Variants in ABR observed in about 807,000 individuals in gnomAD.
ABR encodes active breakpoint cluster region-related protein.
In ABR, 35 loss-of-function variants were observed where a neutral mutation model predicts 107.2. The ratio of observed to expected loss-of-function variants is 0.33; its 90% CI spans 0.25 to 0.43. The LOEUF is 0.43. Ranked by LOEUF, ABR falls within the 20% of genes least tolerant of loss-of-function variation. The probability of loss-of-function intolerance (pLI) is 1.00; values close to 1 mark genes in which losing one functional copy is unlikely to be tolerated. For missense variants in ABR, 815 were observed against 1,115.2 expected (o/e 0.73, Z 3.83); for synonymous variants, 498 against 462.0 (o/e 1.08, Z -1.00).
chr17:1,213,774 C>T (rs2042948530), intron 1 of ABR, among the ~76,000 whole-genome samples: 1 of 152,178 alleles, frequency 6.6e-6, no homozygotes, highest in Non-Finnish European at 1.5e-5. Flanking sequence ...ACTGTCTTAA[C>T]CCCACAGTGA....
chr17:1,084,245 C>T lies in ABR; in HGVS notation c.532-618G>A, dbSNP rs1040823074. ...TACAAAAATTAGCTGGGCATGGTGG[C>T]GCGTGCCTGTAATCCCAGGTACTCA... is the stretch of plus-strand genomic sequence containing the variant. On this transcript the variant is annotated intron_variant, in intron 4 of 22. Transcript: ENST00000302538. This position sits in a 1 kb window ranked among gnomAD's most constrained non-coding sequence, Gnocchi z 4.2. Among the ~76,000 whole-genome samples, 18 of 152,310 alleles carry T rather than the reference C, an allele frequency of 1.2e-4. No homozygotes were observed. Among genetic ancestry groups the T allele is most frequent in the East Asian group, 3.9e-4 (2 of 5,184 alleles).
chr17:1,091,319 AGCACCCTCCGGGAGGGAGAAG>A (rs2037011486), intron 4 of ABR, among the ~76,000 whole-genome samples: 1 of 114,176 alleles, frequency 8.8e-6, no homozygotes, highest in South Asian at 2.9e-4. Flanking sequence ...GGAAAGACGG[AGCACCCTCCGGGAGGGAGAAG>A]GAGCACCCTC....
intron 1 of ABR, among the ~76,000 whole-genome samples, chr17:1,170,068 C>T (rs186578108): frequency 3.9e-5 from 6 of 151,984 alleles, no homozygotes; most frequent in African/African-American, 1.4e-4. Context: ...ATTCCAGGAA[C>T]ACAGCAATGC....
chr17:1,227,294 A>G (rs9908608), intron 1 of ABR, among the ~76,000 whole-genome samples: 77,494 of 151,560 alleles, frequency 0.51, 20,356 homozygotes, highest in African/African-American at 0.62. Flanking sequence ...GGAGGGTGAC[A>G]GATGTGGGTC....
intron 10 of ABR, among the ~76,000 whole-genome samples, chr17:1,059,151 G>A (rs1190584912): frequency 2.0e-5 from 3 of 151,932 alleles, no homozygotes; most frequent in African/African-American, 7.3e-5. Context: ...TCTACCTGAC[G>A]CTCACTCGCC....
At chr17:1,130,139 T>C (rs2151466653) in intron 1 of ABR, among the ~76,000 whole-genome samples, 1 of 152,268 alleles carries the variant, frequency 6.6e-6, no homozygotes, top group South Asian at 2.1e-4. Context: ...CATGATAAAA[T>C]GGTGGTGGTG....
rs947942960 is a variant in ABR at position 1,070,560 on chromosome 17, G to A, written c.895-470C>T. ...GCGGCGGCGAACTTCATCTAGCCCC[G>A]GCTCAACCGAGACCCGAGACCCGAG... On this transcript the variant is annotated intron_variant, in intron 8 of 22. Coordinates refer to ENST00000302538, the MANE Select transcript of ABR (RefSeq NM_021962.5). This position sits in a 1 kb window ranked among gnomAD's most constrained non-coding sequence, Gnocchi z 4.2. Among the ~76,000 whole-genome samples, 3 of 152,024 alleles carry A rather than the reference G, an allele frequency of 2.0e-5. No individual in the cohort carries two copies. Among genetic ancestry groups the A allele is most frequent in the East Asian group, 1.9e-4 (1 of 5,174 alleles).
At chr17:1,017,369 C>G (rs922155543) in intron 16 of ABR, among the ~76,000 whole-genome samples, 1 of 151,996 alleles carries the variant, frequency 6.6e-6, no homozygotes, top group African/African-American at 2.4e-5. Context: ...CCAGCTCTGT[C>G]CCCCAGCAGT....
chr17:1,100,055 G>A (rs899494018), intron 3 of ABR, among the ~76,000 whole-genome samples: 1 of 151,212 alleles, frequency 6.6e-6, no homozygotes, highest in Non-Finnish European at 1.5e-5. Flanking sequence ...GAACCCGGGA[G>A]GCAGAGGTTG....
intron 4 of ABR, among the ~76,000 whole-genome samples, chr17:1,087,283 C>T (rs1385053351): frequency 6.6e-6 from 1 of 152,214 alleles, no homozygotes; most frequent in African/African-American, 2.4e-5. Context: ...GATCCTCATG[C>T]TCCCCAAGGA....
Position 1,179,779 on chromosome 17 carries a change from A to C in ABR, c.-52T>G. 5.7e-5 allele frequency: 30 copies of C among 528,080 alleles called. No homozygotes were observed. Among genetic ancestry groups the C allele is most frequent in the Middle Eastern group, 3.8e-4 (1 of 2,664 alleles). The allele number at this position is 528,080 out of a possible 1,614,324, so 32.7% of individuals were successfully genotyped here. On this transcript the variant is annotated 5_prime_UTR_variant, in exon 1 of 23. Coordinates refer to ENST00000302538, the MANE Select transcript of ABR (RefSeq NM_021962.5). The surrounding 1 kb of genome is among the most constrained non-coding windows in gnomAD (Gnocchi z 4.9). The stretch of plus-strand genomic sequence containing the variant: ...GAAACCCGACCCTCATCGCGCAACA[A>C]AGGAGGGAGAGCGGGCGGGAGCCGG...
At chr17:1,137,006 C>CTTT (rs1555522402) in intron 1 of ABR, among the ~76,000 whole-genome samples, 635 of 11,010 alleles carry the variant, frequency 0.058, 10 homozygotes, top group Middle Eastern at 0.1. Flanking sequence ...TAAATCATTT[C>CTTT]TTTTTTCTCT....
chr17:1,091,913 C>T lies in ABR; in HGVS notation c.346-63G>A, dbSNP rs984516515. On this transcript the variant is annotated intron_variant, in intron 3 of 22. Coordinates refer to ENST00000302538, the MANE Select transcript of ABR (RefSeq NM_021962.5). ...GTAAACAAACCAGAGTGTCGGCAGG[C>T]CCCGGGGCCGATCGTTAGCCCTTCC... The T allele has an allele frequency of 1.4e-5, 21 of 1,517,680 alleles. No homozygotes were observed. In the African/African-American group the frequency reaches 1.9e-4, roughly 14 times the overall value. The allele number at this position is 1,517,680 out of a possible 1,614,324, so 94.0% of individuals were successfully genotyped here.
chr17:1,131,075 C>A (rs944573615), intron 1 of ABR, among the ~76,000 whole-genome samples: 1 of 151,694 alleles, frequency 6.6e-6, no homozygotes, highest in African/African-American at 2.4e-5. Context: ...GTGCCTGCCA[C>A]GCACACAGCT....
At chr17:1,028,053 G>A (rs1207565918) in intron 16 of ABR, among the ~76,000 whole-genome samples, 1 of 152,050 alleles carries the variant, frequency 6.6e-6, no homozygotes, top group Non-Finnish European at 1.5e-5. Context: ...GGGTGGGGTT[G>A]TCCTGCGGTG....
chr17:1,005,233 C>T lies in ABR; in HGVS notation c.*847G>A. On this transcript the variant is annotated 3_prime_UTR_variant, in exon 23 of 23. Transcript: ENST00000302538. ...TTTACACTCAAAGGAAATAGAACAG[C>T]AGGGAAGGGAACTGAAAAGCAGTAG... 1 of 398,628 alleles carries T rather than the reference C, an allele frequency of 2.5e-6. No homozygotes were observed. The allele number at this position is 398,628 out of a possible 1,614,324, so 24.7% of individuals were successfully genotyped here.
At chr17:1,166,467 C>T (rs949980004) in intron 1 of ABR, among the ~76,000 whole-genome samples, 3 of 152,218 alleles carry the variant, frequency 2.0e-5, no homozygotes, top group African/African-American at 2.4e-5. Flanking sequence ...CCTGGGAAAC[C>T]GGGAGAGGCT....
At chr17:1,226,568 G>A (rs56230242) in intron 1 of ABR, among the ~76,000 whole-genome samples, 22,996 of 151,500 alleles carry the variant, frequency 0.15, 2,679 homozygotes, top group African/African-American at 0.32. Context: ...GTGCAGGTAT[G>A]TGTGTGCATG....
At position 1,013,057 on chromosome 17, in the gene ABR, G is replaced by A. The variant is rs373518659; in HGVS notation, c.1851+48C>T. ...CGGGCTGCCCACCTGCTGCACAGAC[G>A]TTCCACCTCCCGGCTCACGCCACTG... On this transcript the variant is annotated intron_variant, in intron 17 of 22. Coordinates refer to ENST00000302538, the MANE Select transcript of ABR (RefSeq NM_021962.5). 309 of 1,605,430 alleles carry A rather than the reference G, an allele frequency of 1.9e-4. 1 individual carries two copies. The highest frequency in any genetic ancestry group is 1.7e-4 in the South Asian group (15 of 90,884).
Sources: gnomAD v4.1 joint callset for allele counts (sites outside exome capture counted in the v4.1 genomes callset) on GRCh38, gnomAD v4.1.1 for gene constraint, Gnocchi (gnomAD v3.1) non-coding constraint, MANE v1.5 for transcripts, NCBI Gene and HGNC (gene_info 2026-07-23, HGNC 2026-07-21) for gene names.